Variants in ERVK3-1 observed in about 807,000 individuals in gnomAD.
ERVK3-1 encodes the protein endogenous retrovirus group K3 member 1.
Position 58,313,573 on chromosome 19 carries a change from G to A in ERVK3-1, c.294+1111G>A, listed in dbSNP as rs140823375. 0.023 allele frequency among the ~76,000 whole-genome samples: 3,569 copies of A among 152,300 alleles called. 132 individuals are homozygous for A. Among genetic ancestry groups the A allele is most frequent in the African/African-American group, 0.081 (3,361 of 41,548 alleles). On this transcript the variant is annotated intron_variant, in intron 3 of 3. Coordinates refer to ENST00000413518, the Ensembl canonical transcript of ERVK3-1. This position sits in a 1 kb window ranked among gnomAD's most constrained non-coding sequence, Gnocchi z 4.5. ...CCCAAAGTGCTGGGATTACAGGCGT[G>A]AGCCACCATGCCCGGCCAGTTTGTG...
chr19:58,312,666 C>G lies in ERVK3-1; in HGVS notation c.294+204C>G, dbSNP rs991728903. 6.6e-6 allele frequency among the ~76,000 whole-genome samples: 1 copy of G among 152,192 alleles called. No individual in the cohort carries two copies. Among genetic ancestry groups the G allele is most frequent in the Non-Finnish European group, 1.5e-5 (1 of 68,042 alleles). On this transcript the variant is annotated intron_variant, in intron 3 of 3. Transcript: ENST00000413518. This position sits in a 1 kb window ranked among gnomAD's most constrained non-coding sequence, Gnocchi z 4.7. ...TTGGAAGGACTCCCTTTATGTATCA[C>G]CATGGATACGTCACTCAACTGCAGC...
chr19:58,306,744 A>T (rs1485233539), intron 2 of ERVK3-1: 1 of 152,252 alleles, frequency 6.6e-6, no homozygotes, highest in Non-Finnish European at 1.5e-5. Context: ...CTGGCGAGCC[A>T]CTAGGACCTT....
exon 4 of ERVK3-1, chr19:58,314,780 T>C (rs2051580351): frequency 2.5e-6 from 1 of 400,068 alleles, no homozygotes. Context: ...CAACCGGCAA[T>C]TGAAAGCTGC....
At chr19:58,315,584 C>T (rs1267732736) in exon 4 of ERVK3-1, 1 of 152,168 alleles carries the variant, frequency 6.6e-6, no homozygotes, top group Non-Finnish European at 1.5e-5. Context: ...TTTGTTTACT[C>T]ATTAGTTCAT....
In ERVK3-1 at chr19:58,310,880, C is replaced by G. The variant is rs1426211659; in HGVS notation, c.-3-1286C>G. 27 of 406,970 alleles carry G rather than the reference C, an allele frequency of 6.6e-5. 1 individual carries two copies. The Admixed American group carries it at 6.7e-4, about 10-fold the overall frequency. The allele number at this position is 406,970 out of a possible 1,614,324, so 25.2% of individuals were successfully genotyped here. On this transcript the variant is annotated intron_variant, in intron 2 of 3. Coordinates refer to ENST00000413518, the Ensembl canonical transcript of ERVK3-1. This position sits in a 1 kb window ranked among gnomAD's most constrained non-coding sequence, Gnocchi z 4.7. ...AAGTAGCGGGTGTTGTTCCTTGACA[C>G]TTTTCGCTACCGCTAGACCACGGTC... is the stretch of plus-strand genomic sequence containing the variant.
At chr19:58,307,382 A>G (rs1256086937) in intron 2 of ERVK3-1, among the ~76,000 whole-genome samples, 3 of 152,204 alleles carry the variant, frequency 2.0e-5, no homozygotes, top group Non-Finnish European at 4.4e-5. Flanking sequence ...TGAGATGTAC[A>G]AACAGCTTGG....
intron 2 of ERVK3-1, chr19:58,311,889 C>T (rs2051558778): frequency 2.4e-5 from 6 of 249,392 alleles, no homozygotes; most frequent in Middle Eastern, 1.1e-3. Context: ...CATTATTGAG[C>T]GGGTACATCA....
exon 4 of ERVK3-1, chr19:58,314,822 C>T: frequency 2.5e-6 from 1 of 399,962 alleles, no homozygotes. Flanking sequence ...TCAATTAATG[C>T]AAAAACAAAA....
intron 2 of ERVK3-1, among the ~76,000 whole-genome samples, chr19:58,306,952 T>G (rs2051527734): frequency 6.6e-6 from 1 of 152,260 alleles, no homozygotes; most frequent in Non-Finnish European, 1.5e-5. Context: ...TATAAAGCAT[T>G]TAGCTTGCAC....
chr19:58,314,117 C>T (rs1419418621), intron 3 of ERVK3-1, among the ~76,000 whole-genome samples: 1 of 152,158 alleles, frequency 6.6e-6, no homozygotes, highest in Non-Finnish European at 1.5e-5. Flanking sequence ...ATTGCACTGT[C>T]ATTTCAATCA....
intron 2 of ERVK3-1, among the ~76,000 whole-genome samples, chr19:58,308,830 T>C (rs749164839): frequency 2.6e-5 from 4 of 152,134 alleles, no homozygotes; most frequent in Admixed American, 6.5e-5. Context: ...GCAGGACATA[T>C]AAAAGTATCA....
chr19:58,307,148 C>T (rs1008934675), intron 2 of ERVK3-1, among the ~76,000 whole-genome samples: 2 of 152,230 alleles, frequency 1.3e-5, no homozygotes, highest in Non-Finnish European at 2.9e-5. Context: ...CATCAGTGCG[C>T]CTGGCCGCTA....
At chr19:58,315,952 A>T (rs2051589922), downstream of ERVK3-1, among the ~76,000 whole-genome samples, 2 of 152,204 alleles carry the variant, frequency 1.3e-5, no homozygotes, top group Admixed American at 6.5e-5. Context: ...AAGAGTCACT[A>T]GCAACCTGGG....
Position 58,312,864 on chromosome 19 carries a change from C to A in ERVK3-1, c.294+402C>A, listed in dbSNP as rs570919708. On this transcript the variant is annotated intron_variant, in intron 3 of 3. Coordinates refer to ENST00000413518, the Ensembl canonical transcript of ERVK3-1. The surrounding 1 kb of genome is among the most constrained non-coding windows in gnomAD (Gnocchi z 4.7). ...CCCTTTGATATTTCTCACCCCCCTC[C>A]TTGGACCCAGTGTCTTGGCCCCTTG... The A allele has an allele frequency of 9.6e-5, 15 of 156,186 alleles. No homozygotes were observed. Among genetic ancestry groups the A allele is most frequent in the Admixed American group, 1.9e-4 (3 of 15,390 alleles). The allele number at this position is 156,186 out of a possible 1,614,324, so 9.7% of individuals were successfully genotyped here.
chr19:58,316,524 A>G (rs954681701), downstream of ERVK3-1, among the ~76,000 whole-genome samples: 3 of 152,060 alleles, frequency 2.0e-5, no homozygotes, highest in African/African-American at 4.8e-5. Flanking sequence ...ACAAAAAATT[A>G]GCTGGGCGTG....
At chr19:58,314,246 C>G (rs1419505991) in intron 3 of ERVK3-1, among the ~76,000 whole-genome samples, 1 of 152,136 alleles carries the variant, frequency 6.6e-6, no homozygotes, top group Non-Finnish European at 1.5e-5. Context: ...CAGTAACTTA[C>G]AGAGTAAAAT....
chr19:58,315,956 A>G (rs768442237), downstream of ERVK3-1, among the ~76,000 whole-genome samples: 4 of 152,148 alleles, frequency 2.6e-5, no homozygotes, highest in Non-Finnish European at 5.9e-5. Flanking sequence ...GTCACTAGCA[A>G]CCTGGGACCT....
chr19:58,312,517 C>A lies in ERVK3-1; in HGVS notation c.294+55C>A. 1 of 399,676 alleles carries A rather than the reference C, an allele frequency of 2.5e-6. No individual in the cohort carries two copies. The allele number at this position is 399,676 out of a possible 1,614,324, so 24.8% of individuals were successfully genotyped here. On this transcript the variant is annotated intron_variant, in intron 3 of 3. Coordinates refer to ENST00000413518, the Ensembl canonical transcript of ERVK3-1. This position sits in a 1 kb window ranked among gnomAD's most constrained non-coding sequence, Gnocchi z 4.7. ...ATATTGGGCATATGTTCCTAACCCA[C>A]TGGTAGTACGACTGGTACTCTGGAG... is the stretch of plus-strand genomic sequence containing the variant.
At position 58,312,284 on chromosome 19, in the gene ERVK3-1, G is replaced by A. The variant is rs1455976404; in HGVS notation, c.116G>A (p.Arg39Gln). The A allele has an allele frequency of 3.0e-5, 12 of 400,002 alleles. 1 individual carries two copies. The highest frequency in any genetic ancestry group is 1.2e-3 in the Middle Eastern group (2 of 1,610). The allele number at this position is 400,002 out of a possible 1,614,324, so 24.8% of individuals were successfully genotyped here. A position where few individuals can be genotyped will look rare whatever the true frequency, so the allele number is the denominator to read the frequency against. Reference sequence around the variant, plus strand: ...CCTCCAGTACGAGCCATGAGCCAGCGGAATCTGAATGCAAAGACAGAACAA... The same window carrying A: ...CCTCCAGTACGAGCCATGAGCCAGCAGAATCTGAATGCAAAGACAGAACAA... The change falls in exon 3 of 4, where the codon CGG (arginine) becomes CAG (glutamine). Residue 39 changes from arginine to glutamine, a missense_variant. By Grantham distance (43) the Arg-to-Gln change is conservative. Transcript: ENST00000413518. This position sits in a 1 kb window ranked among gnomAD's most constrained non-coding sequence, Gnocchi z 4.7.
Sources: allele counts gnomAD v4.1 joint callset (sites outside exome capture counted in the v4.1 genomes callset), GRCh38; gene constraint gnomAD v4.1.1; non-coding constraint Gnocchi (gnomAD v3.1); transcripts MANE v1.5; gene names NCBI Gene and HGNC (gene_info 2026-07-23, HGNC 2026-07-21).